Variants in PDZRN3 observed in about 807,000 individuals in gnomAD.
PDZRN3 encodes E3 ubiquitin-protein ligase PDZRN3.
Under a neutral mutation model 85.7 loss-of-function variants are expected in PDZRN3, and 38 were observed. That is an observed-to-expected ratio of 0.44 (90% CI 0.34 to 0.58). The LOEUF (loss-of-function observed/expected upper bound fraction) is 0.58. PDZRN3 is among the 20% of genes least tolerant of loss of function. The pLI is 0.01. For missense variants in PDZRN3, 1,629 were observed against 1,506.4 expected, an observed-to-expected ratio of 1.08 and a Z score of -1.35; for synonymous variants, 759 against 638.0, an observed-to-expected ratio of 1.19 and a Z score of -2.86.
intron 3 of PDZRN3, among the ~76,000 whole-genome samples, chr3:73,566,881 A>C (rs1008085961): frequency 6.6e-6 from 1 of 152,196 alleles, no homozygotes; most frequent in Non-Finnish European, 1.5e-5. Flanking sequence ...GACCATGAGG[A>C]GACTACTCCA....
Position 73,401,824 on chromosome 3 carries a change from C to T in PDZRN3, c.1167-815G>A, listed in dbSNP as rs563175944. 7 of 152,336 alleles carry T rather than the reference C, an allele frequency of 4.6e-5. No homozygotes were observed. In the East Asian group the frequency reaches 1.4e-3, roughly 29 times the overall value. The allele number at this position is 152,336 out of a possible 1,614,324, so 9.4% of individuals were successfully genotyped here. A position where few individuals can be genotyped will look rare whatever the true frequency, so the allele number is the denominator to read the frequency against. ...GTCCACGGTGCCAGATGCAAAGCTT[C>T]AGCCTCTGATTGTTGGCTGGGGACC... On this transcript the variant is annotated intron_variant, in intron 4 of 9. Coordinates refer to ENST00000263666, the MANE Select transcript of PDZRN3 (RefSeq NM_015009.3).
intron 3 of PDZRN3, among the ~76,000 whole-genome samples, chr3:73,509,346 G>A (rs982992864): frequency 3.3e-5 from 5 of 152,174 alleles, no homozygotes; most frequent in African/African-American, 7.2e-5. Flanking sequence ...CCAGGAGGAC[G>A]CAGACCCATG....
At chr3:73,509,534 G>T (rs1704126652) in intron 3 of PDZRN3, among the ~76,000 whole-genome samples, 1 of 152,130 alleles carries the variant, frequency 6.6e-6, no homozygotes, top group African/African-American at 2.4e-5. Context: ...CCAGTGCTAT[G>T]GCTCAAAGGG....
chr3:73,579,462 C>T (rs1387711870), intron 3 of PDZRN3, among the ~76,000 whole-genome samples: 1 of 152,140 alleles, frequency 6.6e-6, no homozygotes, highest in Non-Finnish European at 1.5e-5. Flanking sequence ...AGTTATTTAG[C>T]GTGTTAGATA....
intron 3 of PDZRN3, among the ~76,000 whole-genome samples, chr3:73,560,394 TC>T (rs1489629980): frequency 3.2e-4 from 48 of 152,132 alleles, no homozygotes; most frequent in African/African-American, 1.0e-3. Flanking sequence ...GTGCTCCTCA[TC>T]CCCCAACTAT....
At chr3:73,403,387 T>G (rs1251175983) in intron 4 of PDZRN3, among the ~76,000 whole-genome samples, 1 of 152,234 alleles carries the variant, frequency 6.6e-6, no homozygotes, top group Non-Finnish European at 1.5e-5. Context: ...TACCATTTAC[T>G]GAGTGCTTAC....
At chr3:73,589,821 C>CA (rs1386078460) in intron 3 of PDZRN3, among the ~76,000 whole-genome samples, 1 of 152,080 alleles carries the variant, frequency 6.6e-6, no homozygotes, top group African/African-American at 2.4e-5. Context: ...AAAATGAAGG[C>CA]AAAATCTCAT....
intron 3 of PDZRN3, among the ~76,000 whole-genome samples, chr3:73,542,963 C>T (rs527904054): frequency 6.6e-6 from 1 of 152,254 alleles, no homozygotes; most frequent in East Asian, 1.9e-4. Flanking sequence ...AAGATACTTT[C>T]CTGTGTGTAC....
At chr3:73,608,526 C>A in intron 2 of PDZRN3, 72 bp downstream of exon 2, 1 of 977,318 alleles carries the variant, frequency 1.0e-6, no homozygotes, top group South Asian at 1.3e-5. Context: ...TCCTCACTGT[C>A]CCCTTCAAAC....
chr3:73,620,943 C>G (rs1702849054), intron 1 of PDZRN3, among the ~76,000 whole-genome samples: 1 of 152,202 alleles, frequency 6.6e-6, no homozygotes, highest in Admixed American at 6.5e-5. Context: ...AGACAATGAC[C>G]AGTGAAACCA....
intron 7 of PDZRN3, 41 bp downstream of exon 7, chr3:73,389,775 G>A: frequency 7.2e-7 from 1 of 1,397,812 alleles, no homozygotes; most frequent in South Asian, 1.2e-5. Context: ...GTTCTTTAGT[G>A]ATAGGCCCAT....
At chr3:73,448,763 T>C (rs1015219751) in intron 3 of PDZRN3, among the ~76,000 whole-genome samples, 2 of 152,156 alleles carry the variant, frequency 1.3e-5, no homozygotes, top group African/African-American at 4.8e-5. Flanking sequence ...CCAGAATAAT[T>C]TGTGGCTACC....
intron 3 of PDZRN3, among the ~76,000 whole-genome samples, chr3:73,425,038 G>A (rs1324775252): frequency 3.4e-5 from 5 of 146,072 alleles, no homozygotes; most frequent in East Asian, 2.0e-4. Context: ...TTTTTGAGAC[G>A]GAGTCTCGCT....
intron 3 of PDZRN3, among the ~76,000 whole-genome samples, chr3:73,528,737 T>C (rs902959692): frequency 1.3e-5 from 2 of 152,152 alleles, no homozygotes; most frequent in African/African-American, 4.8e-5. Context: ...CAGCATGAAC[T>C]AGATTGCGGG....
At chr3:73,567,494 C>G (rs1259163346) in intron 3 of PDZRN3, among the ~76,000 whole-genome samples, 1 of 152,026 alleles carries the variant, frequency 6.6e-6, no homozygotes, top group East Asian at 1.9e-4. Context: ...TGATGATTAA[C>G]AGATTTTATC....
chr3:73,567,540 A>T (rs1701971202), intron 3 of PDZRN3, among the ~76,000 whole-genome samples: 1 of 152,178 alleles, frequency 6.6e-6, no homozygotes, highest in African/African-American at 2.4e-5. Flanking sequence ...AAGCATTGGA[A>T]TTCCTTCTAA....
chr3:73,573,963 G>A (rs770396165), intron 3 of PDZRN3, among the ~76,000 whole-genome samples: 1 of 152,150 alleles, frequency 6.6e-6, no homozygotes, highest in Non-Finnish European at 1.5e-5. Context: ...AGCTGGCCAA[G>A]TTTGCCTTGC....
intron 3 of PDZRN3, among the ~76,000 whole-genome samples, chr3:73,601,371 G>A: frequency 6.6e-6 from 1 of 152,142 alleles, no homozygotes; most frequent in East Asian, 1.9e-4. Flanking sequence ...TGATAAAAAT[G>A]CATGTGGAAA....
chr3:73,408,257 T>C (rs904467178), intron 3 of PDZRN3: 1 of 702,038 alleles, frequency 1.4e-6, no homozygotes, highest in South Asian at 1.5e-5. Flanking sequence ...TCCAGTTTTC[T>C]CATCTGCAAA....
Sources: allele counts gnomAD v4.1 joint callset (sites outside exome capture counted in the v4.1 genomes callset), GRCh38; gene constraint gnomAD v4.1.1; transcripts MANE v1.5; gene names NCBI Gene and HGNC (gene_info 2026-07-23, HGNC 2026-07-21).